ELMO1: variants seen among roughly 807,000 people sequenced by gnomAD.
The protein encoded by ELMO1 is engulfment and cell motility protein 1.
ELMO1 carries 26 observed loss-of-function variants against 98.9 expected under a neutral mutation model. The ratio of observed to expected loss-of-function variants is 0.26; its 90% CI spans 0.19 to 0.36. The LOEUF (loss-of-function observed/expected upper bound fraction) is 0.36, where lower values mean the gene tolerates loss of function less well. Ranked by LOEUF, ELMO1 falls within the 10% of genes least tolerant of loss-of-function variation. ELMO1 has a pLI of 1.00. For missense variants in ELMO1, 627 were observed against 935.2 expected (o/e 0.67, Z 4.30); for synonymous variants, 346 against 346.0 (o/e 1.00, Z 0.00).
intron 15 of ELMO1, among the ~76,000 whole-genome samples, chr7:37,073,230 ATGCCCT>A (rs1285989158): frequency 2.0e-5 from 3 of 152,232 alleles, no homozygotes; most frequent in Non-Finnish European, 4.4e-5. Flanking sequence ...ATTAAAGAAT[ATGCCCT>A]TGAAGGATAT....
At chr7:37,200,945 T>TAA (rs372125187) in intron 13 of ELMO1, among the ~76,000 whole-genome samples, 2 of 133,596 alleles carry the variant, frequency 1.5e-5, no homozygotes, top group Admixed American at 7.5e-5. Context: ...TCTGTCTCAA[T>TAA]AAAAAAAAAA....
intron 15 of ELMO1, among the ~76,000 whole-genome samples, chr7:37,083,186 C>T (rs116480174): frequency 0.018 from 2,763 of 152,262 alleles, 101 homozygotes; most frequent in African/African-American, 0.063. Context: ...CTGTGAGTGG[C>T]TCTTGCCACC....
chr7:37,036,101 T>C (rs1159164554), intron 15 of ELMO1, among the ~76,000 whole-genome samples: 1 of 152,238 alleles, frequency 6.6e-6, no homozygotes, highest in Non-Finnish European at 1.5e-5. Context: ...TATCTACATA[T>C]GTTTCATGCA....
chr7:37,435,374 T>A (rs899867851), intron 1 of ELMO1, among the ~76,000 whole-genome samples: 2 of 152,152 alleles, frequency 1.3e-5, no homozygotes, highest in African/African-American at 4.8e-5. Context: ...CCTAGGGTGG[T>A]TTCCACCCCC....
chr7:37,277,461 C>T (rs867163880), intron 4 of ELMO1, among the ~76,000 whole-genome samples: 19 of 152,250 alleles, frequency 1.2e-4, no homozygotes, highest in Middle Eastern at 3.4e-3. Flanking sequence ...CCTATGTGGT[C>T]GCTTAGAGCT....
chr7:37,296,906 A>G (rs1473911259), intron 4 of ELMO1, among the ~76,000 whole-genome samples: 1 of 152,210 alleles, frequency 6.6e-6, no homozygotes, highest in African/African-American at 2.4e-5. Flanking sequence ...GACACCTGAC[A>G]TGCTCTCAAG....
At chr7:37,158,136 A>C (rs1447357476) in intron 13 of ELMO1, among the ~76,000 whole-genome samples, 1 of 152,178 alleles carries the variant, frequency 6.6e-6, no homozygotes, top group Non-Finnish European at 1.5e-5. Flanking sequence ...CCTTCCTTAC[A>C]CCTTATACAA....
intron 1 of ELMO1, among the ~76,000 whole-genome samples, chr7:37,352,268 T>C (rs535027421): frequency 3.3e-5 from 5 of 152,306 alleles, no homozygotes; most frequent in South Asian, 2.1e-4. Flanking sequence ...TCGTAACCAC[T>C]ATGCCATTTT....
At position 36,964,992 on chromosome 7, in the gene ELMO1, C is replaced by A. The variant is rs115053435; in HGVS notation, c.1437+48307G>T. ...TGGCCACTATCACCCCCCGCATCCC[C>A]CATCCAGGATGGGCTCTGGCCATCT... On this transcript the variant is annotated intron_variant, in intron 16 of 21. Transcript: ENST00000310758. Among the ~76,000 whole-genome samples the A allele has an allele frequency of 7.2e-3, 1,098 of 152,286 alleles. 21 individuals carry two copies. The highest frequency in any genetic ancestry group is 0.025 in the African/African-American group (1,025 of 41,552).
chr7:37,301,542 T>A (rs1276304331), intron 4 of ELMO1, among the ~76,000 whole-genome samples: 1 of 151,458 alleles, frequency 6.6e-6, no homozygotes, highest in East Asian at 1.9e-4. Context: ...AGTAAAGAGC[T>A]GCAGTTCACC....
chr7:37,119,765 C>A (rs140315844), intron 14 of ELMO1, among the ~76,000 whole-genome samples: 1 of 152,096 alleles, frequency 6.6e-6, no homozygotes. Context: ...CACAACTGCA[C>A]GAAAACATTG....
At chr7:36,857,943 G>A (rs1190112722) in intron 21 of ELMO1, among the ~76,000 whole-genome samples, 1 of 152,148 alleles carries the variant, frequency 6.6e-6, no homozygotes, top group Non-Finnish European at 1.5e-5. Context: ...CCTCCCAATA[G>A]GACTCAGATG....
chr7:36,980,528 T>C (rs1267220785), intron 16 of ELMO1, among the ~76,000 whole-genome samples: 1 of 152,194 alleles, frequency 6.6e-6, no homozygotes, highest in Non-Finnish European at 1.5e-5. Context: ...CTTGCAAAAC[T>C]TAGATGCTAA....
intron 14 of ELMO1, among the ~76,000 whole-genome samples, chr7:37,110,537 C>A (rs900672582): frequency 5.3e-5 from 8 of 152,152 alleles, no homozygotes; most frequent in African/African-American, 1.4e-4. Context: ...ATGTAACAAA[C>A]CTGCATGTTC....
At chr7:37,400,161 CAT>C (rs990904412) in intron 1 of ELMO1, among the ~76,000 whole-genome samples, 1 of 152,172 alleles carries the variant, frequency 6.6e-6, no homozygotes, top group Non-Finnish European at 1.5e-5. Context: ...TGAGATGACA[CAT>C]GTAAATATAG....
At chr7:36,962,401 G>A (rs1236013408) in intron 16 of ELMO1, among the ~76,000 whole-genome samples, 1 of 152,200 alleles carries the variant, frequency 6.6e-6, no homozygotes, top group African/African-American at 2.4e-5. Flanking sequence ...TGAAAATGAA[G>A]TATGGAAGAT....
At chr7:37,399,768 A>C (rs73693562) in intron 1 of ELMO1, among the ~76,000 whole-genome samples, 2,150 of 152,314 alleles carry the variant, frequency 0.014, 55 homozygotes, top group African/African-American at 0.049. Context: ...TCTTCAAGGG[A>C]CCATTTCCTG....
At chr7:37,310,140 C>T (rs1246186158) in intron 4 of ELMO1, among the ~76,000 whole-genome samples, 1 of 152,192 alleles carries the variant, frequency 6.6e-6, no homozygotes, top group Non-Finnish European at 1.5e-5. Context: ...CTGGGGCCAG[C>T]TTTGCAGAGA....
chr7:37,129,756 C>T (rs760856087), intron 14 of ELMO1, among the ~76,000 whole-genome samples: 3 of 152,146 alleles, frequency 2.0e-5, no homozygotes, highest in Non-Finnish European at 4.4e-5. Context: ...GGTTTTCTAG[C>T]GGGACAGTGA....
Sources: allele counts gnomAD v4.1 joint callset (sites outside exome capture counted in the v4.1 genomes callset), GRCh38; gene constraint gnomAD v4.1.1; transcripts MANE v1.5; gene names NCBI Gene and HGNC (gene_info 2026-07-23, HGNC 2026-07-21).